Variants in CCDC18 observed in about 807,000 individuals in gnomAD.
The protein encoded by CCDC18 is coiled-coil domain-containing protein 18.
In CCDC18, 157 loss-of-function variants were observed where a neutral mutation model predicts 196.0. The observed-to-expected ratio is 0.80, with a 90% CI of 0.70 to 0.91. The LOEUF is 0.91. CCDC18 is among the 40% of genes least tolerant of loss of function. CCDC18 has a pLI of 0.00. For synonymous variants in CCDC18, 482 were observed against 529.2 expected, an observed-to-expected ratio of 0.91 and a Z score of 1.22; for missense variants, 1,465 against 1,611.6, an observed-to-expected ratio of 0.91 and a Z score of 1.56.
Position 93,232,534 on chromosome 1 carries a change from C to A in CCDC18, c.2401C>A (p.Gln801Lys), listed in dbSNP as rs754073552. 6.2e-7 allele frequency: 1 copy of A among 1,612,750 alleles called. No homozygotes were observed. The highest frequency in any genetic ancestry group is 8.5e-7 in the Non-Finnish European group (1 of 1,179,154). Residue 801 changes from glutamine to lysine, a missense_variant, in exon 18 of 29, where the codon CAA becomes AAA. Physicochemically the swap from Gln to Lys is moderately conservative, Grantham distance 53. Transcript: ENST00000690025. Reference protein sequence around the residue: ...HTLQQQQQMLQQETIRNGELE... With the variant: ...HTLQQQQQMLKQETIRNGELE... The stretch of plus-strand genomic sequence containing the variant: ...TCTTCAGCAACAGCAGCAAATGTTA[C>A]AACAAGAGACAATTAGAAATGGAGA...
Position 93,278,478 on chromosome 1 carries a change from T to C in CCDC18, c.*1T>C. The C allele has an allele frequency of 7.8e-7, 1 of 1,288,616 alleles. No individual in the cohort carries two copies. The highest frequency in any genetic ancestry group is 1.1e-6 in the Non-Finnish European group (1 of 948,966). The allele number at this position is 1,288,616 out of a possible 1,614,324, so 79.8% of individuals were successfully genotyped here. On this transcript the variant is annotated 3_prime_UTR_variant, in exon 29 of 29. Transcript: ENST00000690025. ...ATTATTCTAGGGAGAAAATGTGTAA[T>C]TCAAAGAAGATACTGATGTGTTGAA...
At chr1:93,205,005 G>C (rs1654497383) in intron 7 of CCDC18, among the ~76,000 whole-genome samples, 6 of 151,926 alleles carry the variant, frequency 3.9e-5, no homozygotes, top group Admixed American at 3.9e-4. Flanking sequence ...TTTACACTTA[G>C]GATTATCAAT....
intron 23 of CCDC18, among the ~76,000 whole-genome samples, chr1:93,248,691 G>A (rs1455988009): frequency 2.6e-5 from 4 of 152,024 alleles, no homozygotes; most frequent in Admixed American, 1.3e-4. Flanking sequence ...GAGTTTAGAA[G>A]TGGGCCAGGC....
chr1:93,269,907 G>T (rs1292860262), intron 27 of CCDC18: 1 of 152,646 alleles, frequency 6.6e-6, no homozygotes, highest in Admixed American at 6.5e-5. Context: ...TTCTTGTAAT[G>T]AGAACACAAA....
rs1409790049 is a variant in CCDC18, at chr1:93,221,919, T to C, written c.2158T>C (p.Ser720Pro). The C allele has an allele frequency of 6.3e-7, 1 of 1,590,562 alleles. No homozygotes were observed. The highest frequency in any genetic ancestry group is 2.2e-5 in the East Asian group (1 of 44,552). ...TTTAAAAGCATTACAGAACCAAGTA[T>C]CTGAAGAAACAATCAAGGCTAGTAT... ...EALKALQNQVSEETIKVRQLD... is the reference protein window; with the variant it reads ...EALKALQNQVPEETIKVRQLD... The change falls in exon 16 of 29, where the codon TCT (serine) becomes CCT (proline). Residue 720 changes from serine to proline, a missense_variant. Physicochemically the swap from Ser to Pro is moderately conservative, Grantham distance 74 (BLOSUM62 -1). Coordinates refer to ENST00000690025, the MANE Select transcript of CCDC18 (RefSeq NM_001378204.1).
At chr1:93,183,950 T>C in intron 2 of CCDC18, 28 bp from the exon 3 acceptor site, 1 of 1,412,730 alleles carries the variant, frequency 7.1e-7, no homozygotes. Flanking sequence ...ATCCAAGAAC[T>C]GAAATATGTT....
At chr1:93,256,213 C>T (rs1662944492) in intron 24 of CCDC18, 122 bp from the exon 25 acceptor site, 8 of 756,574 alleles carry the variant, frequency 1.1e-5, no homozygotes, top group Non-Finnish European at 1.7e-5. Flanking sequence ...TTTTAACATA[C>T]TCATTGTATG....
rs760780209 is a variant in CCDC18 at position 93,256,342 on chromosome 1, A to T, written c.3350A>T (p.Lys1117Ile). 27 of 1,613,758 alleles carry T rather than the reference A, an allele frequency of 1.7e-5. No individual in the cohort carries two copies. In the East Asian group the frequency reaches 6.0e-4, roughly 36 times the overall value. The change falls in exon 25 of 29, where the codon AAA becomes ATA. Residue 1117 changes from lysine to isoleucine, a missense_variant. Physicochemically the swap from Lys to Ile is moderately radical, Grantham distance 102. Transcript: ENST00000690025. ...ATACCTTATGCTTTTCAGGTTATGA[A>T]AGAGCAAGAACAGTACATTGCCACT... ...QRMKEMESVM[K>I]EQEQYIATQY... is the part of the protein sequence containing the mutation.
intron 26 of CCDC18, among the ~76,000 whole-genome samples, chr1:93,261,955 G>C (rs1305027231): frequency 6.6e-6 from 1 of 152,102 alleles, no homozygotes; most frequent in East Asian, 1.9e-4. Flanking sequence ...GGACACCTCG[G>C]GAAACTTACA....
At chr1:93,201,820 T>C (rs1653885507) in intron 6 of CCDC18, 72 bp from the exon 7 acceptor site, 3 of 914,822 alleles carry the variant, frequency 3.3e-6, no homozygotes, top group African/African-American at 1.7e-5. Context: ...TAATTAAAGA[T>C]TACTTTGGAA....
intron 8 of CCDC18, 152 bp from the exon 9 acceptor site, chr1:93,206,955 G>A (rs911451551): frequency 4.1e-6 from 2 of 486,526 alleles, no homozygotes; most frequent in Non-Finnish European, 3.6e-6. Context: ...AGTTGTGAGT[G>A]CCTGGCATGC....
intron 5 of CCDC18, among the ~76,000 whole-genome samples, chr1:93,193,207 AAG>A (rs1340789829): frequency 6.6e-6 from 1 of 152,196 alleles, no homozygotes; most frequent in East Asian, 1.9e-4. Flanking sequence ...AAAAGAAAGA[AAG>A]AAAAAAAATT....
rs373310658 is a variant in CCDC18, at chr1:93,258,734, A to G, written c.3547-14A>G. ...ACAAGTTTTATAGCTTTTACTCAAT[A>G]TGTCATTTTTAAGGATGCTCATGGA... On this transcript the variant is annotated splice_polypyrimidine_tract_variant and intron_variant, in intron 25 of 28. Coordinates refer to ENST00000690025, the MANE Select transcript of CCDC18 (RefSeq NM_001378204.1). The G allele has an allele frequency of 9.2e-5, 140 of 1,528,900 alleles. No individual in the cohort carries two copies. The highest frequency in any genetic ancestry group is 1.2e-4 in the Non-Finnish European group (135 of 1,141,154). The allele number at this position is 1,528,900 out of a possible 1,614,324, so 94.7% of individuals were successfully genotyped here.
At chr1:93,255,510 C>G (rs188428955) in intron 24 of CCDC18, among the ~76,000 whole-genome samples, 30 of 152,248 alleles carry the variant, frequency 2.0e-4, no homozygotes. Flanking sequence ...TTGGCAGAAT[C>G]ATTTGAGCCC....
chr1:93,225,355 T>G (rs534114248), intron 16 of CCDC18, among the ~76,000 whole-genome samples: 1 of 152,368 alleles, frequency 6.6e-6, no homozygotes, highest in South Asian at 2.1e-4. Context: ...GGCAACTATA[T>G]GAACACTTGG....
In CCDC18 at chr1:93,193,676, G is replaced by T; in HGVS notation, c.630G>T (p.Leu210Phe). 6.3e-7 allele frequency: 1 copy of T among 1,592,134 alleles called. No individual in the cohort carries two copies. Among genetic ancestry groups the T allele is most frequent in the Non-Finnish European group, 8.5e-7 (1 of 1,170,650 alleles). ...TGGTAATTGAAAAGGAACAGAGTTT[G>T]CAGGAGTCCAAAGAGGAATGTATAA... ...QKMVIEKEQS[L>F]QESKEECIKL... The change falls in exon 6 of 29, where the codon TTG becomes TTT. Residue 210 changes from leucine to phenylalanine, a missense_variant. Transcript: ENST00000690025.
At chr1:93,179,987 G>C, upstream of CCDC18, 2 of 1,482,974 alleles carry the variant, frequency 1.3e-6, no homozygotes, top group East Asian at 2.5e-5. Flanking sequence ...GTTTCTAAAC[G>C]GGTGAGAGGC....
intron 25 of CCDC18, among the ~76,000 whole-genome samples, chr1:93,257,078 C>T (rs573263100): frequency 8.6e-5 from 13 of 151,200 alleles, no homozygotes; most frequent in Non-Finnish European, 1.9e-4. Context: ...ATACAAAAAA[C>T]AAAATTAGCC....
rs1222794118 is a variant in CCDC18 at position 93,186,298 on chromosome 1, T to G, written c.304-47T>G. On this transcript the variant is annotated intron_variant, in intron 3 of 28. Coordinates refer to ENST00000690025, the MANE Select transcript of CCDC18 (RefSeq NM_001378204.1). ...ATTTTCCATTAATTACATGTAACCC[T>G]TAATTGAAATAATTGAAAATATATT... The G allele has an allele frequency of 3.3e-6, 5 of 1,536,972 alleles. No individual in the cohort carries two copies. In the South Asian group the frequency reaches 4.7e-5, roughly 15 times the overall value.
Sources: gnomAD v4.1 joint callset for allele counts (sites outside exome capture counted in the v4.1 genomes callset) on GRCh38, gnomAD v4.1.1 for gene constraint, MANE v1.5 for transcripts, NCBI Gene and HGNC (gene_info 2026-07-23, HGNC 2026-07-21) for gene names.